CSMD1: variants seen among roughly 807,000 people sequenced by gnomAD.
The protein encoded by CSMD1 is CUB and Sushi multiple domains 1, also known as CUB and sushi domain-containing protein 1.
CSMD1 carries 213 observed loss-of-function variants against 417.5 expected under a neutral mutation model. That is an observed-to-expected ratio of 0.51 (90% CI 0.46 to 0.57). The LOEUF (loss-of-function observed/expected upper bound fraction) is 0.57. Ranked by LOEUF, CSMD1 falls within the 20% of genes least tolerant of loss-of-function variation. The probability of loss-of-function intolerance (pLI) is 0.00; values close to 1 mark genes in which losing one functional copy is unlikely to be tolerated. For synonymous variants in CSMD1, 2,862 were observed against 1,736.8 expected (o/e 1.65, Z -16.11); for missense variants, 6,923 against 4,529.7 (o/e 1.53, Z -15.17).
intron 1 of CSMD1, among the ~76,000 whole-genome samples, chr8:4,729,295 G>C (rs984586552): frequency 1.3e-5 from 2 of 152,166 alleles, no homozygotes; most frequent in African/African-American, 4.8e-5. Flanking sequence ...CGGAAATGCA[G>C]TCATCGATGA....
rs375281454 is a variant in CSMD1, at chr8:4,882,335, C to T, written c.85+111997G>A. Among the ~76,000 whole-genome samples the T allele has an allele frequency of 7.3e-5, 11 of 151,676 alleles. No homozygotes were observed. The East Asian group carries it at 1.6e-3, about 22-fold the overall frequency. On this transcript the variant is annotated intron_variant, in intron 1 of 69. Transcript: ENST00000635120. The stretch of plus-strand genomic sequence containing the variant: ...AGACAAACGACCTCTCCTGACATGT[C>T]GCCTGCTTGGTTTGCTTGGGCAATG...
At chr8:3,464,269 A>T (rs1322565524) in intron 12 of CSMD1, among the ~76,000 whole-genome samples, 1 of 152,196 alleles carries the variant, frequency 6.6e-6, no homozygotes, top group Non-Finnish European at 1.5e-5. Context: ...CAGAGAAGCC[A>T]TAAAAACGTG....
intron 1 of CSMD1, among the ~76,000 whole-genome samples, chr8:4,641,289 T>C (rs1262653800): frequency 1.3e-5 from 2 of 151,958 alleles, no homozygotes; most frequent in East Asian, 3.9e-4. Context: ...GTTACCGAAA[T>C]AATAATATAC....
chr8:3,141,790 G>A (rs1250663203), intron 41 of CSMD1, among the ~76,000 whole-genome samples: 2 of 124,656 alleles, frequency 1.6e-5, no homozygotes, highest in African/African-American at 3.0e-5. Flanking sequence ...GCCCCTGCCC[G>A]CCAAATTATC....
In CSMD1 at chr8:2,963,211, G is replaced by A. The variant is rs1456045507; in HGVS notation, c.9454+11C>T. On this transcript the variant is annotated intron_variant, in intron 60 of 69. Coordinates refer to ENST00000635120, the MANE Select transcript of CSMD1 (RefSeq NM_033225.6). ...TGCAGTGGGCGGAACAAATTCTGCT[G>A]TAGAACTTACGGAGACACTGGGGGA... The A allele has an allele frequency of 2.2e-5, 35 of 1,613,480 alleles. No homozygotes were observed. The highest frequency in any genetic ancestry group is 3.0e-5 in the Non-Finnish European group (35 of 1,179,620).
chr8:4,678,606 T>C (rs1356966341), intron 1 of CSMD1, among the ~76,000 whole-genome samples: 1 of 152,176 alleles, frequency 6.6e-6, no homozygotes, highest in Admixed American at 6.6e-5. Context: ...TAAATTACAA[T>C]ATGCATTTAC....
chr8:4,487,241 A>C (rs759037159), intron 2 of CSMD1, among the ~76,000 whole-genome samples: 3 of 152,170 alleles, frequency 2.0e-5, no homozygotes, highest in Non-Finnish European at 4.4e-5. Context: ...TTACATATGT[A>C]TACATGTGCC....
intron 11 of CSMD1, among the ~76,000 whole-genome samples, chr8:3,483,881 G>C (rs1010106825): frequency 6.6e-6 from 1 of 152,122 alleles, no homozygotes; most frequent in African/African-American, 2.4e-5. Context: ...AGAGGCTAAA[G>C]AAAGAACATG....
At chr8:4,148,396 A>T (rs1181193610) in intron 3 of CSMD1, among the ~76,000 whole-genome samples, 6 of 151,672 alleles carry the variant, frequency 4.0e-5, no homozygotes, top group African/African-American at 1.5e-4. Context: ...GAGGAATAGC[A>T]TTAGGAGATA....
chr8:4,668,827 T>C (rs1038058), intron 1 of CSMD1, among the ~76,000 whole-genome samples: 82,540 of 151,906 alleles, frequency 0.54, 22,639 homozygotes, highest in Admixed American at 0.64. Context: ...TTCTTCTCTA[T>C]ATCTGTTATC....
At chr8:4,415,789 A>G (rs1378152755) in intron 3 of CSMD1, among the ~76,000 whole-genome samples, 1 of 152,200 alleles carries the variant, frequency 6.6e-6, no homozygotes, top group African/African-American at 2.4e-5. Flanking sequence ...GTGTATGAGC[A>G]CACGTGTTTA....
At chr8:4,535,176 T>C (rs1418122606) in intron 2 of CSMD1, among the ~76,000 whole-genome samples, 1 of 152,220 alleles carries the variant, frequency 6.6e-6, no homozygotes, top group Admixed American at 6.5e-5. Context: ...GTATAATCTA[T>C]ATAAGGTATA....
Position 3,230,227 on chromosome 8 carries a change from T to A in CSMD1, c.4158A>T (p.Ser1386=). The change falls in exon 27 of 70, where the codon TCA becomes TCT. Residue 1386 remains serine, a synonymous_variant. Coordinates refer to ENST00000635120, the MANE Select transcript of CSMD1 (RefSeq NM_033225.6). Reference sequence around the variant, plus strand: ...CTGGATCGTTACAGGTGGCTGCAATTGAGGCTGCAAACAAAAGAGAAGGCA... The same window carrying A: ...CTGGATCGTTACAGGTGGCTGCAATAGAGGCTGCAAACAAAAGAGAAGGCA... ...KSGFSIQFST[S]IAATCNDPGM... 4 of 1,576,968 alleles carry A rather than the reference T, an allele frequency of 2.5e-6. No individual in the cohort carries two copies. Among genetic ancestry groups the A allele is most frequent in the Non-Finnish European group, 3.4e-6 (4 of 1,160,212 alleles).
rs987136870 is a variant in CSMD1 at position 4,555,932 on chromosome 8, A to G, written c.302+81410T>C. 2.0e-5 allele frequency among the ~76,000 whole-genome samples: 3 copies of G among 152,166 alleles called. No homozygotes were observed. The South Asian group carries it at 6.2e-4, about 31-fold the overall frequency. On this transcript the variant is annotated intron_variant, in intron 2 of 69. Coordinates refer to ENST00000635120, the MANE Select transcript of CSMD1 (RefSeq NM_033225.6). Reference sequence around the variant, plus strand: ...GTGTAAAATATGAAGAAACTTTTCAACAGTTCCTTACTTTAGGAAGTGAAT... The same window carrying G: ...GTGTAAAATATGAAGAAACTTTTCAGCAGTTCCTTACTTTAGGAAGTGAAT...
intron 5 of CSMD1, among the ~76,000 whole-genome samples, chr8:3,907,178 A>G (rs1423226993): frequency 1.3e-5 from 2 of 152,210 alleles, no homozygotes; most frequent in Non-Finnish European, 2.9e-5. Flanking sequence ...GCACACACGC[A>G]TGTTACCTGA....
Position 3,153,543 on chromosome 8 carries a change from C to CA in CSMD1, c.5915-2031dup, listed in dbSNP as rs554038372. On this transcript the variant is annotated intron_variant, in intron 39 of 69. Transcript: ENST00000635120. The stretch of plus-strand genomic sequence containing the variant: ...CGAATGAAAAAGGCCGAATCAATGA[C>CA]AAAAAAAGGAAAACAACAGAACCAG... Among the ~76,000 whole-genome samples the CA allele has an allele frequency of 6.2e-4, 94 of 152,050 alleles. 2 individuals are homozygous for CA. The highest frequency in any genetic ancestry group is 5.5e-3 in the Admixed American group (84 of 15,292).
At chr8:3,962,242 C>G (rs1215664884) in intron 5 of CSMD1, among the ~76,000 whole-genome samples, 1 of 152,184 alleles carries the variant, frequency 6.6e-6, no homozygotes, top group South Asian at 2.1e-4. Context: ...CTTCTGTTCA[C>G]TCCAGATTTG....
At chr8:4,619,910 C>T (rs187720219) in intron 2 of CSMD1, among the ~76,000 whole-genome samples, 8 of 152,034 alleles carry the variant, frequency 5.3e-5, no homozygotes, top group African/African-American at 1.9e-4. Context: ...GGGCCAATCA[C>T]AACAAAATAT....
intron 18 of CSMD1, among the ~76,000 whole-genome samples, chr8:3,385,768 A>G (rs1399972109): frequency 6.6e-6 from 1 of 152,168 alleles, no homozygotes; most frequent in Non-Finnish European, 1.5e-5. Context: ...GTCTTTCCAG[A>G]AAAACTTAGG....
Sources: gnomAD v4.1 joint callset for allele counts (sites outside exome capture counted in the v4.1 genomes callset) on GRCh38, gnomAD v4.1.1 for gene constraint, MANE v1.5 for transcripts, NCBI Gene and HGNC (gene_info 2026-07-23, HGNC 2026-07-21) for gene names.